The following IQSEC2 variants were observed in gnomAD, a reference collection of about 807,000 sequenced individuals.
IQSEC2 encodes IQ motif and SEC7 domain-containing protein 2.
IQSEC2 carries 6 observed loss-of-function variants against 74.6 expected under a neutral mutation model. The observed-to-expected ratio is 0.08, with a 90% CI of 0.04 to 0.16. IQSEC2 has a LOEUF of 0.16. IQSEC2 is among the 10% of genes least tolerant of loss of function. The probability of loss-of-function intolerance (pLI) is 1.00; values close to 1 mark genes in which losing one functional copy is unlikely to be tolerated. For missense variants in IQSEC2, 734 were observed against 1,306.2 expected (o/e 0.56, Z 6.75); for synonymous variants, 494 against 544.5 (o/e 0.91, Z 1.29).
intron 2 of IQSEC2, among the ~76,000 whole-genome samples, chrX:53,274,703 C>T (rs1053666224): frequency 3.6e-5 from 4 of 110,183 alleles, no homozygotes; most frequent in African/African-American, 9.9e-5. Context: ...TCTCATGATC[C>T]GCCTGCCTCG....
At chrX:53,263,883 C>T (rs1014466933) in intron 2 of IQSEC2, among the ~76,000 whole-genome samples, 7 of 112,678 alleles carry the variant, frequency 6.2e-5, no homozygotes, top group Admixed American at 2.8e-4. Flanking sequence ...CCAAGGGCAG[C>T]GGCCCGGTGT....
At chrX:53,281,974 T>A (rs2074973001) in intron 2 of IQSEC2, among the ~76,000 whole-genome samples, 2 of 112,580 alleles carry the variant, frequency 1.8e-5, no homozygotes, top group Non-Finnish European at 3.8e-5. Context: ...TGCTACCTTG[T>A]GAGTACAGAA....
At chrX:53,248,666 T>C in intron 6 of IQSEC2, 55 bp downstream of exon 6, 1 of 1,170,458 alleles carries the variant, frequency 8.5e-7, no homozygotes, top group Non-Finnish European at 1.2e-6. Context: ...TCCTCCCTCT[T>C]GCTGTCCTTT....
At chrX:53,279,074 G>C (rs367711224) in intron 2 of IQSEC2, 1 of 111,768 alleles carries the variant, frequency 8.9e-6, no homozygotes, top group Admixed American at 9.5e-5. Flanking sequence ...CCAGCTACTC[G>C]GGAGGCTGAA....
At chrX:53,271,035 T>C (rs781794578) in intron 2 of IQSEC2, among the ~76,000 whole-genome samples, 1 of 108,733 alleles carries the variant, frequency 9.2e-6, no homozygotes, top group Non-Finnish European at 1.9e-5. Flanking sequence ...GCTCTCCAAC[T>C]GCCTACCAAA....
chrX:53,311,121 CA>C (rs56198617), intron 1 of IQSEC2, among the ~76,000 whole-genome samples: 4 of 21,553 alleles, frequency 1.9e-4, no homozygotes, highest in African/African-American at 2.2e-4. Flanking sequence ...GACTCCATCT[CA>C]AAAAAAAAAA....
At chrX:53,258,335 A>T (rs189415872) in intron 2 of IQSEC2, among the ~76,000 whole-genome samples, 180 of 111,528 alleles carry the variant, frequency 1.6e-3, no homozygotes, top group South Asian at 5.3e-3. Context: ...TGTGTTCATG[A>T]CTCCCAGAAT....
chrX:53,255,937 C>T lies in IQSEC2; in HGVS notation c.862G>A (p.Val288Met). 8.3e-7 allele frequency: 1 copy of T among 1,202,376 alleles called. No homozygotes were observed. ...SSHMGGPPAG[V>M]GLPWAQRARL... is the part of the protein sequence containing the mutation. ...GCCCGCTGAGCCCAGGGAAGGCCCA[C>T]TCCAGCAGGGGGGCCCCCCATGTGG... The change falls in exon 3 of 15, where the codon GTG becomes ATG. Residue 288 changes from valine (V) to methionine (M), a missense_variant. Physicochemically the swap from Val to Met is conservative, Grantham distance 21 (BLOSUM62 1). This residue lies in a region of IQSEC2 where 54 missense variants were observed against 62.1 expected (regional missense o/e 0.87). Transcript: ENST00000642864.
intron 8 of IQSEC2, 141 bp from the exon 9 acceptor site, chrX:53,243,612 G>T: frequency 1.1e-6 from 1 of 884,356 alleles, no homozygotes. Context: ...CCTTAGCCAG[G>T]ATTGGGGCAG....
chrX:53,263,930 A>G (rs1002266391), intron 2 of IQSEC2, among the ~76,000 whole-genome samples: 10 of 112,778 alleles, frequency 8.9e-5, no homozygotes, highest in Non-Finnish European at 1.9e-4. Flanking sequence ...TCATGCCAGT[A>G]CTAAGCACAC....
At chrX:53,276,035 C>T (rs2074828607) in intron 2 of IQSEC2, among the ~76,000 whole-genome samples, 1 of 111,355 alleles carries the variant, frequency 9.0e-6, no homozygotes, top group Admixed American at 9.6e-5. Flanking sequence ...CTTAGTGATT[C>T]ATGAACATTT....
intron 1 of IQSEC2, among the ~76,000 whole-genome samples, chrX:53,298,041 A>C (rs782035061): frequency 3.8e-4 from 43 of 111,906 alleles, no homozygotes; most frequent in African/African-American, 1.4e-3. Flanking sequence ...GAAGCTGAAG[A>C]ATAGCTTGAA....
At chrX:53,296,195 C>T (rs1190335516) in intron 1 of IQSEC2, among the ~76,000 whole-genome samples, 1 of 110,412 alleles carries the variant, frequency 9.1e-6, no homozygotes, top group Non-Finnish European at 1.9e-5. Flanking sequence ...GCCATCATGC[C>T]CGGCTAATTC....
chrX:53,260,152 GGT>G (rs1479903854), intron 2 of IQSEC2, among the ~76,000 whole-genome samples: 4 of 112,012 alleles, frequency 3.6e-5, no homozygotes, highest in African/African-American at 9.7e-5. Context: ...ATTGCGAAAA[GGT>G]GCTGTTTGAG....
chrX:53,240,421 C>G (rs1556860617), intron 10 of IQSEC2, among the ~76,000 whole-genome samples: 1 of 112,481 alleles, frequency 8.9e-6, no homozygotes, highest in Non-Finnish European at 1.9e-5. Context: ...AAACCCTGCT[C>G]TAAAGGAGAG....
intron 2 of IQSEC2, chrX:53,267,129 A>C: frequency 9.0e-7 from 1 of 1,115,743 alleles, no homozygotes; most frequent in Non-Finnish European, 1.2e-6. Context: ...CAGAGGCATT[A>C]GTTTGCAGAG....
chrX:53,274,057 C>T (rs887500941), intron 2 of IQSEC2, among the ~76,000 whole-genome samples: 1 of 112,577 alleles, frequency 8.9e-6, no homozygotes, highest in Non-Finnish European at 1.9e-5. Context: ...ATTATTCCTA[C>T]TCACATAATC....
intron 8 of IQSEC2, among the ~76,000 whole-genome samples, chrX:53,245,434 T>A (rs202222685): frequency 4.6e-3 from 411 of 89,229 alleles, no homozygotes; most frequent in Non-Finnish European, 5.9e-3. Flanking sequence ...TCTCTAAAAA[T>A]AAAAAAAAAA....
At chrX:53,227,574 G>A, downstream of IQSEC2, 1 of 307,966 alleles carries the variant, frequency 3.2e-6, no homozygotes, top group Non-Finnish European at 5.7e-6. Flanking sequence ...CTGCCCATCG[G>A]GCAGCACCCC....
Sources: allele counts gnomAD v4.1 joint callset (sites outside exome capture counted in the v4.1 genomes callset), GRCh38; gene constraint gnomAD v4.1.1; regional missense constraint gnomAD v4.1.1; transcripts MANE v1.5; gene names NCBI Gene and HGNC (gene_info 2026-07-23, HGNC 2026-07-21).